FRAS1: variants seen among roughly 807,000 people sequenced by gnomAD.
FRAS1 encodes extracellular matrix organizing protein FRAS1.
Under a neutral mutation model 435.2 loss-of-function variants are expected in FRAS1, and 290 were observed. That is an observed-to-expected ratio of 0.67 (90% confidence interval 0.61 to 0.73). FRAS1 has a LOEUF of 0.73. Ranked by LOEUF, FRAS1 falls within the 30% of genes least tolerant of loss-of-function variation. FRAS1 has a pLI of 0.00. For synonymous variants in FRAS1, 1,800 were observed against 1,851.0 expected, an observed-to-expected ratio of 0.97 and a Z score of 0.71; for missense variants, 4,860 against 5,001.5, an observed-to-expected ratio of 0.97 and a Z score of 0.85.
rs4367203 is a variant in FRAS1 at position 78,091,801 on chromosome 4, A to T, written c.108+25785A>T. On this transcript the variant is annotated intron_variant, in intron 2 of 73. Coordinates refer to ENST00000512123, the MANE Select transcript of FRAS1 (RefSeq NM_025074.7). The stretch of plus-strand genomic sequence containing the variant: ...GCCTCCTGAGTAGCTCATACTGCAG[A>T]TGCACACCACCACATTTGACCAAAT... Among the ~76,000 whole-genome samples, 37 of 151,752 alleles carry T rather than the reference A, an allele frequency of 2.4e-4. No individual in the cohort carries two copies. The East Asian group carries it at 5.2e-3, about 21-fold the overall frequency.
At chr4:78,115,635 C>T (rs1743110852) in intron 2 of FRAS1, among the ~76,000 whole-genome samples, 1 of 152,106 alleles carries the variant, frequency 6.6e-6, no homozygotes, top group Non-Finnish European at 1.5e-5. Context: ...TTATAGTATT[C>T]TCTGATGGTA....
intron 6 of FRAS1, 92 bp downstream of exon 6, chr4:78,255,467 C>G (rs1725748609): frequency 7.6e-7 from 1 of 1,307,562 alleles, no homozygotes; most frequent in Non-Finnish European, 1.0e-6. Flanking sequence ...CTCAGAAGCA[C>G]TAGAAACAAG....
At chr4:78,227,268 A>T (rs9307359) in intron 2 of FRAS1, among the ~76,000 whole-genome samples, 44,138 of 152,146 alleles carry the variant, frequency 0.29, 6,865 homozygotes, top group East Asian at 0.37. Flanking sequence ...GACATTTGAA[A>T]GTCATGTGAA....
At position 78,511,398 on chromosome 4, in the gene FRAS1, C is replaced by T. The variant is rs1307805056; in HGVS notation, c.9905C>T (p.Ala3302Val). Reference protein sequence around the residue: ...SNIVTIGTDSAICHTPVVAGT... With the variant: ...SNIVTIGTDSVICHTPVVAGT... ...ATTGTTACCATTGGAACAGACAGTG[C>T]TATCTGCCACACACCAGTGGTGGCT... Residue 3302 changes from alanine (A) to valine (V), a missense_variant, in exon 64 of 74, where the codon GCT becomes GTT. Coordinates refer to ENST00000512123, the MANE Select transcript of FRAS1 (RefSeq NM_025074.7). 1.9e-6 allele frequency: 3 copies of T among 1,613,842 alleles called. No individual in the cohort carries two copies. The highest frequency in any genetic ancestry group is 2.5e-6 in the Non-Finnish European group (3 of 1,179,882).
chr4:78,531,580 T>C (rs1326586046), intron 70 of FRAS1, among the ~76,000 whole-genome samples: 1 of 152,230 alleles, frequency 6.6e-6, no homozygotes, highest in East Asian at 1.9e-4. Context: ...AGGCCTTTTC[T>C]TCCTCTCGCC....
In FRAS1 at chr4:78,411,619, C is replaced by G. The variant is rs181103763; in HGVS notation, c.4309-1350C>G. ...AGCCCTGGTTTGGGTATATTCAGGT[C>G]ACTTTGACACAGCCTTAGGAAATGT... On this transcript the variant is annotated intron_variant, in intron 31 of 73. Coordinates refer to ENST00000512123, the MANE Select transcript of FRAS1 (RefSeq NM_025074.7). 1.6e-4 allele frequency among the ~76,000 whole-genome samples: 24 copies of G among 152,270 alleles called. 1 individual carries two copies. Among genetic ancestry groups the G allele is most frequent in the Non-Finnish European group, 1.5e-5 (1 of 68,016 alleles).
rs375506831 is a variant in FRAS1, at chr4:78,286,707, T to G, written c.1534+168T>G. 3.9e-5 allele frequency among the ~76,000 whole-genome samples: 6 copies of G among 152,326 alleles called. No homozygotes were observed. The South Asian group carries it at 1.2e-3, about 32-fold the overall frequency. ...TGAGGAGAACAGTGTGTTAGAGAAA[T>G]GATACATGTTGAGATGTTTTAATAA... is the stretch of plus-strand genomic sequence containing the variant. On this transcript the variant is annotated intron_variant, in intron 14 of 73. Coordinates refer to ENST00000512123, the MANE Select transcript of FRAS1 (RefSeq NM_025074.7).
At position 78,195,078 on chromosome 4, in the gene FRAS1, A is replaced by G. The variant is rs1160919571; in HGVS notation, c.109-42432A>G. Among the ~76,000 whole-genome samples, 10 of 152,338 alleles carry G rather than the reference A, an allele frequency of 6.6e-5. No individual in the cohort carries two copies. In the East Asian group the frequency reaches 1.7e-3, roughly 26 times the overall value. On this transcript the variant is annotated intron_variant, in intron 2 of 73. Coordinates refer to ENST00000512123, the MANE Select transcript of FRAS1 (RefSeq NM_025074.7). ...CCTGGGTATCAGAAGCAGAGGCTGC[A>G]GAACAGTGGATATTGGTGAACAGCA...
chr4:78,506,511 TGCGCTAGCAGCGAGCAAA>T (rs1244055849), intron 61 of FRAS1, among the ~76,000 whole-genome samples: 1 of 150,728 alleles, frequency 6.6e-6, no homozygotes, highest in Non-Finnish European at 1.5e-5. Context: ...CTCAGGCTGC[TGCGCTAGCAGCGAGCAAA>T]GCTCCATGGG....
At chr4:78,206,248 G>T (rs893779331) in intron 2 of FRAS1, among the ~76,000 whole-genome samples, 3 of 152,062 alleles carry the variant, frequency 2.0e-5, no homozygotes, top group African/African-American at 4.8e-5. Flanking sequence ...AGGAGAAGAT[G>T]ATGTGATGAT....
intron 2 of FRAS1, among the ~76,000 whole-genome samples, chr4:78,079,583 C>T (rs761666506): frequency 1.3e-5 from 2 of 152,238 alleles, no homozygotes; most frequent in East Asian, 1.9e-4. Context: ...GGTATATATG[C>T]GTTCACATGA....
chr4:78,183,891 G>A (rs1007520637), intron 2 of FRAS1, among the ~76,000 whole-genome samples: 2 of 151,884 alleles, frequency 1.3e-5, no homozygotes, highest in African/African-American at 2.4e-5. Context: ...AAATTTTAAG[G>A]ACAAAGAGAT....
intron 2 of FRAS1, among the ~76,000 whole-genome samples, chr4:78,151,705 A>G (rs1375832999): frequency 6.6e-6 from 1 of 152,166 alleles, no homozygotes; most frequent in Non-Finnish European, 1.5e-5. Flanking sequence ...TAAATATACA[A>G]GTTCCTCTAG....
At chr4:78,393,628 C>A (rs2110338027) in intron 29 of FRAS1, among the ~76,000 whole-genome samples, 1 of 152,140 alleles carries the variant, frequency 6.6e-6, no homozygotes, top group East Asian at 1.9e-4. Flanking sequence ...ACTTTTAAGG[C>A]TGAATAATAT....
chr4:78,419,850 G>C (rs1733703355), intron 33 of FRAS1, among the ~76,000 whole-genome samples: 1 of 152,078 alleles, frequency 6.6e-6, no homozygotes, highest in Non-Finnish European at 1.5e-5. Context: ...AAGCGGGTGG[G>C]GGAGATGTCA....
Position 78,374,117 on chromosome 4 carries a change from A to G in FRAS1, c.3017A>G (p.Asp1006Gly), listed in dbSNP as rs747075855. 1.3e-6 allele frequency: 2 copies of G among 1,576,554 alleles called. No individual in the cohort carries two copies. Among genetic ancestry groups the G allele is most frequent in the East Asian group, 2.3e-5 (1 of 44,130 alleles). Reference protein sequence around the residue: ...YQDSGLCKNCDSYCLQCQGPH... With the variant: ...YQDSGLCKNCGSYCLQCQGPH... ...CTTGACTTTTGTCTTTCAGACTGTG[A>G]CAGCTACTGTCTCCAGTGCCAAGGT... Residue 1006 changes from aspartate to glycine, a missense_variant, in exon 25 of 74, where the codon GAC (aspartate) becomes GGC (glycine). By Grantham distance (94) the Asp-to-Gly change is moderately conservative (BLOSUM62 -1). Coordinates refer to ENST00000512123, the MANE Select transcript of FRAS1 (RefSeq NM_025074.7).
chr4:78,211,535 G>A (rs1723503523), intron 2 of FRAS1, among the ~76,000 whole-genome samples: 2 of 152,174 alleles, frequency 1.3e-5, no homozygotes, highest in Admixed American at 1.3e-4. Flanking sequence ...GCATTTGTCT[G>A]AGCACCTGTA....
At chr4:78,364,178 AG>A (rs1731181313) in intron 22 of FRAS1, 124 bp downstream of exon 22, 3 of 1,143,536 alleles carry the variant, frequency 2.6e-6, no homozygotes, top group Non-Finnish European at 3.6e-6. Context: ...TATAAAAGGA[AG>A]AAAACCAATC....
Position 78,464,222 on chromosome 4 carries a change from A to G in FRAS1, c.6888+77A>G, listed in dbSNP as rs192032349. 10 of 1,516,886 alleles carry G rather than the reference A, an allele frequency of 6.6e-6. No homozygotes were observed. In the South Asian group the frequency reaches 7.7e-5, roughly 12 times the overall value. The allele number at this position is 1,516,886 out of a possible 1,614,324, so 94.0% of individuals were successfully genotyped here. A position where few individuals can be genotyped will look rare whatever the true frequency, so the allele number is the denominator to read the frequency against. ...TTCTTTGAGTGGAGTAGGCAGAGTG[A>G]CTGGTGAGAGAAGAGCTTCATTTTC... is the stretch of plus-strand genomic sequence containing the variant. On this transcript the variant is annotated intron_variant, in intron 48 of 73. Transcript: ENST00000512123.
Sources: gnomAD v4.1 joint callset for allele counts (sites outside exome capture counted in the v4.1 genomes callset) on GRCh38, gnomAD v4.1.1 for gene constraint, MANE v1.5 for transcripts, NCBI Gene and HGNC (gene_info 2026-07-23, HGNC 2026-07-21) for gene names.